NXNL2: variants seen among roughly 807,000 people sequenced by gnomAD.
NXNL2 encodes the protein nucleoredoxin-like protein 2.
In NXNL2, 7 loss-of-function variants were observed where a neutral mutation model predicts 11.1. The ratio of observed to expected loss-of-function variants is 0.63; its 90% CI spans 0.36 to 1.18. The LOEUF (loss-of-function observed/expected upper bound fraction) is 1.18. Among genes scored for constraint, NXNL2 ranks in the 50% most tolerant of loss-of-function variants. The pLI, the probability that NXNL2 is intolerant of heterozygous loss-of-function variation, is 0.02. For missense variants in NXNL2, 233 were observed against 217.7 expected (o/e 1.07, Z -0.44); for synonymous variants, 109 against 101.8 (o/e 1.07, Z -0.42).
intron 1 of NXNL2, among the ~76,000 whole-genome samples, chr9:88,570,030 C>A (rs996148598): frequency 1.3e-5 from 2 of 151,954 alleles, no homozygotes; most frequent in African/African-American, 4.8e-5. Flanking sequence ...CACCCACCTG[C>A]GTAGTTTGCA....
At position 88,581,096 on chromosome 9, in the gene NXNL2, CG is replaced by C. The variant is rs1349087983; in HGVS notation, n.552-2899del. On this transcript the variant is annotated intron_variant and non_coding_transcript_variant, in intron 1 of 1. Transcript: ENST00000478686. ...AAGGTGCTGTGTGCAGCTTTCTCCT[CG>C]GGGCAGTTGCTATTTTTCCCTATGT... 3.9e-5 allele frequency among the ~76,000 whole-genome samples: 6 copies of C among 152,296 alleles called. 1 individual carries two copies. The South Asian group carries it at 1.2e-3, about 32-fold the overall frequency.
chr9:88,571,044 C>T (rs1180439948), intron 1 of NXNL2: 1 of 405,040 alleles, frequency 2.5e-6, no homozygotes, highest in Non-Finnish European at 4.8e-6. Context: ...GTGCCAGGTC[C>T]CCAATACTGT....
At chr9:88,571,157 C>A (rs1317561055) in exon 2 of NXNL2, 5 of 357,830 alleles carry the variant, frequency 1.4e-5, no homozygotes, top group South Asian at 4.2e-5. Flanking sequence ...CCTTTGCCTC[C>A]TGGGTTCAAG....
In NXNL2 at chr9:88,544,695, C is replaced by T; in HGVS notation, c.*148C>T. 7.1e-7 allele frequency: 1 copy of T among 1,412,216 alleles called. No homozygotes were observed. The highest frequency in any genetic ancestry group is 2.7e-5 in the East Asian group (1 of 37,248). The allele number at this position is 1,412,216 out of a possible 1,614,324, so 87.5% of individuals were successfully genotyped here. A position where few individuals can be genotyped will look rare whatever the true frequency, so the allele number is the denominator to read the frequency against. On this transcript the variant is annotated 3_prime_UTR_variant, in exon 2 of 2. Coordinates refer to ENST00000375854, the MANE Select transcript of NXNL2 (RefSeq NM_001161625.2). ...GCACTAAGCTGTGGTCAAAAAGCAACTATTGCTCAGGAAATAATACACTCC... is the reference window on the plus strand; with the variant it reads ...GCACTAAGCTGTGGTCAAAAAGCAATTATTGCTCAGGAAATAATACACTCC...
chr9:88,572,372 A>G (rs951892107), intron 2 of NXNL2, among the ~76,000 whole-genome samples: 4 of 152,066 alleles, frequency 2.6e-5, no homozygotes, highest in African/African-American at 9.7e-5. Flanking sequence ...TCCCACCTAT[A>G]GTAGGAAACG....
exon 3 of NXNL2, chr9:88,575,091 T>C (rs746329154): frequency 1.5e-5 from 15 of 976,982 alleles, no homozygotes; most frequent in Non-Finnish European, 1.8e-5. Context: ...TTGAAGCCAT[T>C]GCTGTGAATT....
chr9:88,538,708 T>C (rs1443061951), intron 1 of NXNL2, among the ~76,000 whole-genome samples: 1 of 152,234 alleles, frequency 6.6e-6, no homozygotes, highest in East Asian at 1.9e-4. Context: ...ACCAGATAGA[T>C]ATGCTGACTG....
chr9:88,547,388 G>A (rs1435517061), downstream of NXNL2, among the ~76,000 whole-genome samples: 1 of 152,036 alleles, frequency 6.6e-6, no homozygotes, highest in Non-Finnish European at 1.5e-5. Context: ...CACTGGAGAG[G>A]GGCAGTCACT....
downstream of NXNL2, among the ~76,000 whole-genome samples, chr9:88,548,338 T>C (rs552955339): frequency 0.021 from 898 of 42,144 alleles, 28 homozygotes; most frequent in African/African-American, 0.092. Context: ...AGACTTTTTC[T>C]CAAAAAAAAA....
downstream of NXNL2, among the ~76,000 whole-genome samples, chr9:88,580,710 G>A (rs1298869137): frequency 6.6e-6 from 1 of 152,184 alleles, no homozygotes; most frequent in Non-Finnish European, 1.5e-5. Flanking sequence ...CATTGATGCA[G>A]TACTGTTAAC....
downstream of NXNL2, among the ~76,000 whole-genome samples, chr9:88,576,754 AC>A (rs1228792393): frequency 6.6e-6 from 1 of 152,160 alleles, no homozygotes; most frequent in Non-Finnish European, 1.5e-5. Flanking sequence ...TATGGAGTAG[AC>A]TACAGGCAGC....
At chr9:88,578,865 A>T (rs1830378495), downstream of NXNL2, among the ~76,000 whole-genome samples, 1 of 152,212 alleles carries the variant, frequency 6.6e-6, no homozygotes, top group African/African-American at 2.4e-5. Flanking sequence ...ACGTTCAAGG[A>T]TGCCCAGGCC....
At chr9:88,549,964 A>T (rs111531324), downstream of NXNL2, among the ~76,000 whole-genome samples, 5,518 of 152,162 alleles carry the variant, frequency 0.036, 329 homozygotes, top group African/African-American at 0.12. Context: ...AGCTGCGATT[A>T]CAGGCATGGG....
chr9:88,584,018 C>G (rs2118564765), exon 2 of NXNL2: 1 of 152,402 alleles, frequency 6.6e-6, no homozygotes, highest in African/African-American at 2.4e-5. Flanking sequence ...CCAACTAATA[C>G]ATGCGGCCAC....
chr9:88,583,058 A>G (rs1246136612), intron 1 of NXNL2, among the ~76,000 whole-genome samples: 3 of 152,108 alleles, frequency 2.0e-5, no homozygotes, highest in Admixed American at 2.0e-4. Flanking sequence ...CTACTGGACA[A>G]TTCCATGTGT....
At chr9:88,544,122 G>A (rs1829812919) in intron 1 of NXNL2, among the ~76,000 whole-genome samples, 1 of 152,204 alleles carries the variant, frequency 6.6e-6, no homozygotes, top group South Asian at 2.1e-4. Flanking sequence ...AGTGAGCCGA[G>A]ATCGCGCCAT....
chr9:88,542,308 A>G (rs1243373716), intron 1 of NXNL2, among the ~76,000 whole-genome samples: 3 of 151,802 alleles, frequency 2.0e-5, no homozygotes, highest in African/African-American at 7.3e-5. Flanking sequence ...TTATTTTTTG[A>G]GACAGAGTCT....
At chr9:88,558,612 A>G (rs1277037382) in intron 1 of NXNL2, among the ~76,000 whole-genome samples, 1 of 152,096 alleles carries the variant, frequency 6.6e-6, no homozygotes, top group Non-Finnish European at 1.5e-5. Context: ...CTGAAGTAGA[A>G]GAGGCCGTCT....
At chr9:88,568,120 A>C (rs1830204679) in intron 1 of NXNL2, among the ~76,000 whole-genome samples, 2 of 152,202 alleles carry the variant, frequency 1.3e-5, no homozygotes, top group Non-Finnish European at 2.9e-5. Context: ...TTTAAGTTAG[A>C]GATGATCAAG....
Sources: gnomAD v4.1 joint callset for allele counts (sites outside exome capture counted in the v4.1 genomes callset) on GRCh38, gnomAD v4.1.1 for gene constraint, MANE v1.5 for transcripts, NCBI Gene and HGNC (gene_info 2026-07-23, HGNC 2026-07-21) for gene names.